The following LMNB1 variants were observed in gnomAD, a reference collection of about 807,000 sequenced individuals.
LMNB1 encodes the protein lamin-B1.
Under a neutral mutation model 67.1 loss-of-function variants are expected in LMNB1, and 23 were observed. The observed-to-expected ratio is 0.34, with a 90% CI of 0.25 to 0.49. The LOEUF is 0.49. LMNB1 is among the 20% of genes least tolerant of loss of function. The probability of loss-of-function intolerance (pLI) is 0.99; values close to 1 mark genes in which losing one functional copy is unlikely to be tolerated. For missense variants in LMNB1, 634 were observed against 746.5 expected (o/e 0.85, Z 1.76); for synonymous variants, 281 against 282.9 (o/e 0.99, Z 0.07).
intron 1 of LMNB1, among the ~76,000 whole-genome samples, chr5:126,789,420 A>G (rs1025704133): frequency 6.6e-5 from 10 of 152,124 alleles, no homozygotes; most frequent in African/African-American, 1.9e-4. Context: ...ACTTTTGTGT[A>G]TGAAAGAGGG....
At position 126,800,951 on chromosome 5, in the gene LMNB1, CTATATATATA is replaced by C. The variant is rs57113826; in HGVS notation, c.360-3804_360-3795del. On this transcript the variant is annotated intron_variant, in intron 1 of 10. Coordinates refer to ENST00000261366, the MANE Select transcript of LMNB1 (RefSeq NM_005573.4). ...ACAAGTGTGAGCCATTGCAGCCAGA[CTATATATATA>C]TATATATATATATATATATAATTTT... Among the ~76,000 whole-genome samples, 400 of 47,286 alleles carry C rather than the reference CTATATATATA, an allele frequency of 8.5e-3. 13 individuals are homozygous for C. The highest frequency in any genetic ancestry group is 0.021 in the African/African-American group (304 of 14,800). The allele number at this position is 47,286 out of a possible 152,430, so 31.0% of individuals were successfully genotyped here.
chr5:126,782,592 C>T (rs1750657999), intron 1 of LMNB1, among the ~76,000 whole-genome samples: 1 of 152,036 alleles, frequency 6.6e-6, no homozygotes. Context: ...CTCTTTTGCC[C>T]AGGCTGGAGT....
At chr5:126,786,710 C>G (rs533338442) in intron 1 of LMNB1, among the ~76,000 whole-genome samples, 3 of 152,256 alleles carry the variant, frequency 2.0e-5, no homozygotes, top group African/African-American at 7.2e-5. Context: ...TTTCAGATCC[C>G]TTTGGGTGCT....
intron 1 of LMNB1, among the ~76,000 whole-genome samples, chr5:126,790,388 A>C (rs375205965): frequency 1.4e-4 from 22 of 152,094 alleles, no homozygotes; most frequent in Non-Finnish European, 2.9e-4. Flanking sequence ...TTACAGATGT[A>C]AGCCACCACA....
chr5:126,785,331 C>T (rs907831377), intron 1 of LMNB1, among the ~76,000 whole-genome samples: 37 of 145,096 alleles, frequency 2.6e-4, no homozygotes, highest in Admixed American at 2.5e-3. Context: ...CTTGCTCTGT[C>T]GCCAGGCTGG....
intron 1 of LMNB1, among the ~76,000 whole-genome samples, chr5:126,796,798 T>C (rs1342613556): frequency 6.8e-6 from 1 of 148,084 alleles, no homozygotes; most frequent in Admixed American, 6.7e-5. Flanking sequence ...TTTTTTTTTT[T>C]TTTTTTTTGA....
chr5:126,819,264 C>T, intron 6 of LMNB1, 122 bp downstream of exon 6: 3 of 650,898 alleles, frequency 4.6e-6, no homozygotes, highest in Non-Finnish European at 7.9e-6. Context: ...TCTTTGAACA[C>T]CTAGGTATAG....
intron 10 of LMNB1, among the ~76,000 whole-genome samples, chr5:126,833,357 T>TA (rs1752177973): frequency 6.6e-6 from 1 of 152,242 alleles, no homozygotes; most frequent in African/African-American, 2.4e-5. Context: ...TAATAACTAA[T>TA]GAGCCTTCAG....
intron 3 of LMNB1, among the ~76,000 whole-genome samples, chr5:126,809,904 G>C (rs889451568): frequency 6.6e-6 from 1 of 152,086 alleles, no homozygotes; most frequent in Non-Finnish European, 1.5e-5. Flanking sequence ...AGGCCATCCA[G>C]GCCTTTCCTT....
chr5:126,788,400 G>A (rs1264332282), intron 1 of LMNB1, among the ~76,000 whole-genome samples: 1 of 152,172 alleles, frequency 6.6e-6, no homozygotes, highest in East Asian at 1.9e-4. Context: ...CACTTTGGGA[G>A]GCTGAGTGTG....
rs1750509707 is a variant in LMNB1 at position 126,777,844 on chromosome 5, G to A, written c.336G>A (p.Ala112=). Residue 112 remains alanine, a synonymous_variant, in exon 1 of 11, where the codon GCG becomes GCA. Coordinates refer to ENST00000261366, the MANE Select transcript of LMNB1 (RefSeq NM_005573.4). ...KLQIELGKCK[A]EHDQLLLNYA... Reference sequence around the variant, plus strand: ...AGATCGAGCTGGGCAAGTGCAAGGCGGAACACGACCAGCTGCTCCTCAAGT... The same window carrying A: ...AGATCGAGCTGGGCAAGTGCAAGGCAGAACACGACCAGCTGCTCCTCAAGT... The A allele has an allele frequency of 4.2e-6, 6 of 1,445,056 alleles. No homozygotes were observed. The highest frequency in any genetic ancestry group is 2.5e-5 in the Admixed American group (1 of 39,374). The allele number at this position is 1,445,056 out of a possible 1,614,324, so 89.5% of individuals were successfully genotyped here. A position where few individuals can be genotyped will look rare whatever the true frequency, so the allele number is the denominator to read the frequency against.
At chr5:126,794,045 C>A (rs992824609) in intron 1 of LMNB1, among the ~76,000 whole-genome samples, 5 of 152,024 alleles carry the variant, frequency 3.3e-5, no homozygotes, top group Non-Finnish European at 7.4e-5. Flanking sequence ...AGCGATTCTC[C>A]TGCCTCAGCC....
intron 3 of LMNB1, among the ~76,000 whole-genome samples, 167 bp downstream of exon 3, chr5:126,805,863 A>T (rs186660167): frequency 1.2e-4 from 18 of 152,260 alleles, no homozygotes; most frequent in Admixed American, 9.2e-4. Flanking sequence ...CAGGTAGATT[A>T]TTCAAGCTAC....
intron 7 of LMNB1, 127 bp from the exon 8 acceptor site, chr5:126,822,654 C>A: frequency 3.6e-6 from 2 of 553,550 alleles, no homozygotes; most frequent in South Asian, 2.7e-5. Flanking sequence ...GTAGGAAAAC[C>A]TGAAATGTGG....
intron 1 of LMNB1, among the ~76,000 whole-genome samples, chr5:126,789,044 C>T (rs1315926520): frequency 1.3e-5 from 2 of 151,834 alleles, no homozygotes; most frequent in African/African-American, 2.4e-5. Context: ...TACAGGCACA[C>T]ACCACCACGA....
chr5:126,792,252 C>T (rs1490346799), intron 1 of LMNB1, among the ~76,000 whole-genome samples: 2 of 151,324 alleles, frequency 1.3e-5, no homozygotes, highest in East Asian at 3.9e-4. Context: ...AAGTGATTCT[C>T]CTGCCTCAGC....
At chr5:126,794,840 C>G (rs1751048077) in intron 1 of LMNB1, among the ~76,000 whole-genome samples, 1 of 152,086 alleles carries the variant, frequency 6.6e-6, no homozygotes, top group Non-Finnish European at 1.5e-5. Context: ...TGGCTTTTCT[C>G]TTTCATCTCC....
At chr5:126,813,641 T>C (rs1751632645) in intron 5 of LMNB1, among the ~76,000 whole-genome samples, 1 of 152,172 alleles carries the variant, frequency 6.6e-6, no homozygotes, top group South Asian at 2.1e-4. Context: ...ATTGGATATC[T>C]GCCTGGTGAG....
At chr5:126,777,919 C>A in intron 1 of LMNB1, 52 bp downstream of exon 1, 1 of 1,375,894 alleles carries the variant, frequency 7.3e-7, no homozygotes, top group Non-Finnish European at 9.4e-7. Flanking sequence ...GGGGGCGCAA[C>A]CGCGGCGACC....
Sources: allele counts gnomAD v4.1 joint callset (sites outside exome capture counted in the v4.1 genomes callset), GRCh38; gene constraint gnomAD v4.1.1; transcripts MANE v1.5; gene names NCBI Gene and HGNC (gene_info 2026-07-23, HGNC 2026-07-21).